AOPEP: variants seen among roughly 807,000 people sequenced by gnomAD.
AOPEP encodes the protein aminopeptidase O.
Under a neutral mutation model 98.1 loss-of-function variants are expected in AOPEP, and 77 were observed. The ratio of observed to expected loss-of-function variants is 0.78; its 90% CI spans 0.65 to 0.95. The LOEUF is 0.95. Among genes scored for constraint, AOPEP ranks in the 40% least tolerant of loss-of-function variants. The pLI is 0.00. For synonymous variants in AOPEP, 346 were observed against 365.3 expected, an observed-to-expected ratio of 0.95 and a Z score of 0.60; for missense variants, 1,024 against 1,024.7, an observed-to-expected ratio of 1.00 and a Z score of 0.01.
chr9:94,750,926 T>G (rs1835603963), intron 1 of AOPEP, among the ~76,000 whole-genome samples: 1 of 151,816 alleles, frequency 6.6e-6, no homozygotes, highest in Non-Finnish European at 1.5e-5. Context: ...TTTTTGTATT[T>G]TTAGTAGAGA....
intron 5 of AOPEP, among the ~76,000 whole-genome samples, chr9:94,869,971 A>ATTTTTTTTTTTTTTTTTTTT (rs10556167): frequency 2.1e-5 from 2 of 93,554 alleles, no homozygotes; most frequent in Non-Finnish European, 2.1e-5. Context: ...GAAGCCATGA[A>ATTTTTTTTTTTTTTTTTTTT]TTTTTTTTTT....
At chr9:94,913,723 T>C (rs1367214225) in intron 5 of AOPEP, among the ~76,000 whole-genome samples, 1 of 152,236 alleles carries the variant, frequency 6.6e-6, no homozygotes, top group African/African-American at 2.4e-5. Flanking sequence ...TTGTGGCAGC[T>C]GAATGCCCCC....
chr9:94,918,080 G>A (rs1387577663), intron 5 of AOPEP, among the ~76,000 whole-genome samples: 1 of 152,130 alleles, frequency 6.6e-6, no homozygotes, highest in South Asian at 2.1e-4. Context: ...AAGAATACCA[G>A]GCTTTAGCAA....
chr9:94,909,357 A>AAG (rs2051656583), intron 5 of AOPEP, among the ~76,000 whole-genome samples: 1 of 151,436 alleles, frequency 6.6e-6, no homozygotes, highest in Admixed American at 6.6e-5. Context: ...AAAAAAAAAA[A>AAG]AAAAAAAAAA....
intron 13 of AOPEP, among the ~76,000 whole-genome samples, chr9:95,039,261 A>G (rs2065087927): frequency 6.6e-6 from 1 of 152,124 alleles, no homozygotes; most frequent in Non-Finnish European, 1.5e-5. Flanking sequence ...CCTATGGGAA[A>G]ATTTTTTAAA....
chr9:95,083,258 C>A (rs1347419757), intron 16 of AOPEP, among the ~76,000 whole-genome samples: 1 of 152,148 alleles, frequency 6.6e-6, no homozygotes, highest in African/African-American at 2.4e-5. Context: ...ACGCAGCACA[C>A]ACAGCACATG....
chr9:94,833,149 T>G (rs7037652), intron 5 of AOPEP, among the ~76,000 whole-genome samples: 1 of 149,836 alleles, frequency 6.7e-6, no homozygotes, highest in Non-Finnish European at 1.5e-5. Context: ...TTGGCCAGGC[T>G]GGTCTTGAAC....
At chr9:95,006,123 A>G (rs2061998005) in intron 13 of AOPEP, 1 of 471,066 alleles carries the variant, frequency 2.1e-6, no homozygotes, top group Admixed American at 2.4e-5. Flanking sequence ...CCAAGTTTAG[A>G]ATTTCAGTAT....
the AOPEP span, chr9:95,114,565 G>T: frequency 7.2e-7 from 1 of 1,397,204 alleles, no homozygotes; most frequent in South Asian, 1.2e-5. Context: ...CTGCTCAAAG[G>T]GCAGATGAGG....
intron 13 of AOPEP, among the ~76,000 whole-genome samples, chr9:95,020,893 T>C (rs2063395634): frequency 9.1e-6 from 1 of 110,270 alleles, no homozygotes. Context: ...TACTCCAGCC[T>C]GGGCAACAGA....
chr9:95,126,517 T>TC, the AOPEP span: 1 of 1,612,940 alleles, frequency 6.2e-7, no homozygotes, highest in Non-Finnish European at 8.5e-7. Context: ...GAAGAAACAG[T>TC]GTAACGTTTA....
At chr9:94,790,244 G>C (rs1467081811) in intron 3 of AOPEP, among the ~76,000 whole-genome samples, 1 of 151,574 alleles carries the variant, frequency 6.6e-6, no homozygotes. Context: ...TCGGCTCACT[G>C]CAACCTCTGC....
intron 10 of AOPEP, among the ~76,000 whole-genome samples, chr9:94,968,206 G>T (rs1372239792): frequency 2.0e-5 from 3 of 152,186 alleles, no homozygotes; most frequent in African/African-American, 7.2e-5. Flanking sequence ...AGCTTGGGAT[G>T]TAAAATCAGG....
At chr9:94,880,374 T>TC (rs1486341244) in intron 5 of AOPEP, among the ~76,000 whole-genome samples, 1 of 147,060 alleles carries the variant, frequency 6.8e-6, no homozygotes, top group African/African-American at 2.5e-5. Context: ...TTTCTTTTCT[T>TC]TTTTTTTTTT....
chr9:94,778,022 T>C (rs1232906185), intron 3 of AOPEP, among the ~76,000 whole-genome samples: 1 of 152,136 alleles, frequency 6.6e-6, no homozygotes, highest in Non-Finnish European at 1.5e-5. Flanking sequence ...AAAGAAGATA[T>C]AAGAATGTGC....
chr9:95,060,417 A>C (rs1353315312), intron 13 of AOPEP, among the ~76,000 whole-genome samples: 1 of 152,242 alleles, frequency 6.6e-6, no homozygotes, highest in Non-Finnish European at 1.5e-5. Context: ...TGTTTTATTA[A>C]GATAAGCACA....
At chr9:94,893,510 G>A (rs999050096) in intron 5 of AOPEP, among the ~76,000 whole-genome samples, 6 of 152,170 alleles carry the variant, frequency 3.9e-5, no homozygotes, top group African/African-American at 1.2e-4. Flanking sequence ...TATAAGCCAG[G>A]TTTTTAACAA....
At chr9:94,825,717 C>A (rs1191181878) in intron 5 of AOPEP, among the ~76,000 whole-genome samples, 5 of 152,168 alleles carry the variant, frequency 3.3e-5, no homozygotes, top group Non-Finnish European at 5.9e-5. Context: ...GGAAGAGAGA[C>A]TGTTTTATTC....
chr9:94,751,385 C>T (rs1835736866), intron 1 of AOPEP, among the ~76,000 whole-genome samples: 1 of 152,142 alleles, frequency 6.6e-6, no homozygotes, highest in African/African-American at 2.4e-5. Context: ...ATCAAGCAGA[C>T]ACATGTAAAA....
Sources: allele counts gnomAD v4.1 joint callset (sites outside exome capture counted in the v4.1 genomes callset), GRCh38; gene constraint gnomAD v4.1.1; transcripts MANE v1.5; gene names NCBI Gene and HGNC (gene_info 2026-07-23, HGNC 2026-07-21).